GLI2: variants seen among roughly 807,000 people sequenced by gnomAD.
The protein encoded by GLI2 is GLI family zinc finger 2, also known as transcription activator GLI2.
Under a neutral mutation model 78.9 loss-of-function variants are expected in GLI2, and 22 were observed. That is an observed-to-expected ratio of 0.28 (90% CI 0.20 to 0.40). GLI2 has a LOEUF of 0.40. Ranked by LOEUF, GLI2 falls within the 10% of genes least tolerant of loss-of-function variation. The probability of loss-of-function intolerance (pLI) is 1.00; values close to 1 mark genes in which losing one functional copy is unlikely to be tolerated. For synonymous variants in GLI2, 974 were observed against 963.7 expected, an observed-to-expected ratio of 1.01 and a Z score of -0.20; for missense variants, 2,097 against 2,213.2, an observed-to-expected ratio of 0.95 and a Z score of 1.05.
Position 120,937,643 on chromosome 2 carries a change from T to C in GLI2, c.254+10177T>C, listed in dbSNP as rs146393330. Among the ~76,000 whole-genome samples, 368 of 152,314 alleles carry C rather than the reference T, an allele frequency of 2.4e-3. 2 individuals are homozygous for C. Among genetic ancestry groups the C allele is most frequent in the African/African-American group, 8.2e-3 (339 of 41,584 alleles). ...CCTTCTTCAGGTTGCCCTGTTCCAA[T>C]GAGGGGCCTCCACTTCCAGGCAGAC... is the stretch of plus-strand genomic sequence containing the variant. On this transcript the variant is annotated intron_variant, in intron 3 of 13. Coordinates refer to ENST00000361492, the MANE Select transcript of GLI2 (RefSeq NM_001374353.1).
At chr2:120,761,584 G>A (rs1410020491) in intron 1 of GLI2, among the ~76,000 whole-genome samples, 1 of 152,174 alleles carries the variant, frequency 6.6e-6, no homozygotes, top group Non-Finnish European at 1.5e-5. Flanking sequence ...AGAGGGCTAG[G>A]AGGAGTGTGG....
intron 1 of GLI2, among the ~76,000 whole-genome samples, chr2:120,793,894 C>T (rs1011861272): frequency 5.3e-5 from 8 of 152,184 alleles, no homozygotes; most frequent in Non-Finnish European, 7.3e-5. Context: ...TGGGGAGTGG[C>T]CTTGGGCAGC....
At chr2:120,795,110 T>C (rs1684326772) in intron 1 of GLI2, among the ~76,000 whole-genome samples, 1 of 152,214 alleles carries the variant, frequency 6.6e-6, no homozygotes, top group African/African-American at 2.4e-5. Context: ...AGTGTGCACC[T>C]GTAGTCCCAG....
intron 2 of GLI2, among the ~76,000 whole-genome samples, chr2:120,820,617 C>T (rs1179338099): frequency 6.6e-6 from 1 of 152,202 alleles, no homozygotes; most frequent in Non-Finnish European, 1.5e-5. Context: ...CGGCTGCTGT[C>T]CACGCCAGTG....
chr2:120,873,551 AGAG>A (rs765016033), intron 2 of GLI2, among the ~76,000 whole-genome samples: 1 of 152,224 alleles, frequency 6.6e-6, no homozygotes, highest in Non-Finnish European at 1.5e-5. Flanking sequence ...TCTATTCAAG[AGAG>A]AAGAAGAGTG....
chr2:120,896,693 C>CCAAA, intron 2 of GLI2, among the ~76,000 whole-genome samples: 1 of 106,940 alleles, frequency 9.4e-6, no homozygotes, highest in East Asian at 2.9e-4. Context: ...TCACACACAC[C>CCAAA]CATACACACA....
At chr2:120,804,891 T>G (rs1238918377) in intron 2 of GLI2, among the ~76,000 whole-genome samples, 1 of 152,230 alleles carries the variant, frequency 6.6e-6, no homozygotes, top group East Asian at 1.9e-4. Context: ...GGGAAGAGCA[T>G]GGCTTGGGGT....
chr2:120,794,908 C>A (rs1423041561), intron 1 of GLI2, among the ~76,000 whole-genome samples: 4 of 152,142 alleles, frequency 2.6e-5, no homozygotes, highest in Non-Finnish European at 4.4e-5. Flanking sequence ...CTTGGGCTTT[C>A]TGGGCAGGGA....
At position 120,989,447 on chromosome 2, in the gene GLI2, C is replaced by G. The variant is rs2105092684; in HGVS notation, c.3482C>G (p.Pro1161Arg). Residue 1161 changes from proline to arginine, a missense_variant, in exon 14 of 14, where the codon CCT (proline) becomes CGT (arginine). Transcript: ENST00000361492. ...AACCTGGCGGTGGTGCAGCAGAAGC[C>G]TGCCTTTGGCCAGTACCCGGGCTAC... ...QGNLAVVQQK[P>R]AFGQYPGYSP... 1 of 1,613,116 alleles carries G rather than the reference C, an allele frequency of 6.2e-7. No homozygotes were observed. Among genetic ancestry groups the G allele is most frequent in the Non-Finnish European group, 8.5e-7 (1 of 1,180,006 alleles).
chr2:120,834,305 G>T (rs992060365), intron 2 of GLI2, among the ~76,000 whole-genome samples: 3 of 152,196 alleles, frequency 2.0e-5, no homozygotes, highest in African/African-American at 7.2e-5. Context: ...GGCTTCATTG[G>T]TTTTTGTGGA....
chr2:120,815,819 G>T (rs1271770168), intron 2 of GLI2, among the ~76,000 whole-genome samples: 1 of 152,222 alleles, frequency 6.6e-6, no homozygotes, highest in East Asian at 1.9e-4. Flanking sequence ...TGCCTCTGGT[G>T]CTGGGCTGAA....
chr2:120,822,953 G>A (rs1288088246), intron 2 of GLI2, among the ~76,000 whole-genome samples: 1 of 152,184 alleles, frequency 6.6e-6, no homozygotes, highest in Non-Finnish European at 1.5e-5. Flanking sequence ...GGGGAATCTT[G>A]CAGGAGTGGT....
chr2:120,857,369 T>C (rs146999281), intron 2 of GLI2, among the ~76,000 whole-genome samples: 351 of 12,332 alleles, frequency 0.028, 3 homozygotes, highest in Admixed American at 0.15. Flanking sequence ...ATCTGCCCAC[T>C]CACCTACCTA....
chr2:120,779,791 G>A (rs2104668542), intron 1 of GLI2, among the ~76,000 whole-genome samples: 1 of 152,338 alleles, frequency 6.6e-6, no homozygotes, highest in South Asian at 2.1e-4. Flanking sequence ...CCTCAGCCTT[G>A]CTCCTAACCA....
rs550639694 is a variant in GLI2 at position 120,967,200 on chromosome 2, G to A, written c.644-1514G>A. Among the ~76,000 whole-genome samples the A allele has an allele frequency of 4.6e-5, 7 of 152,356 alleles. No individual in the cohort carries two copies. The East Asian group carries it at 1.2e-3, about 25-fold the overall frequency. On this transcript the variant is annotated intron_variant, in intron 5 of 13. Coordinates refer to ENST00000361492, the MANE Select transcript of GLI2 (RefSeq NM_001374353.1). The stretch of plus-strand genomic sequence containing the variant: ...AAAGGATGGGTGGGCAGGGGCCAGC[G>A]GGACATGAGAAGAGGCTGCTCCATG...
In GLI2 at chr2:120,991,824, G is replaced by A. The variant is rs1231909732; in HGVS notation, c.*1149G>A. The A allele has an allele frequency of 6.8e-6, 1 of 146,158 alleles. No homozygotes were observed. Among genetic ancestry groups the A allele is most frequent in the African/African-American group, 2.4e-5 (1 of 40,880 alleles). 9.1% of individuals were successfully genotyped at this position (146,158 alleles called of 1,614,324 possible). ...GTCACTGGGCAGAGAATGATGACATGTGTAGGTGGTGTGGTTGGGGGTGGA... is the reference window on the plus strand; with the variant it reads ...GTCACTGGGCAGAGAATGATGACATATGTAGGTGGTGTGGTTGGGGGTGGA... On this transcript the variant is annotated 3_prime_UTR_variant, in exon 14 of 14. Coordinates refer to ENST00000361492, the MANE Select transcript of GLI2 (RefSeq NM_001374353.1).
At chr2:120,751,962 A>C (rs1010718728) in intron 1 of GLI2, among the ~76,000 whole-genome samples, 1 of 152,218 alleles carries the variant, frequency 6.6e-6, no homozygotes. Flanking sequence ...TTTCTTTCTG[A>C]TGCAAAAGTA....
chr2:120,958,972 G>A (rs558054685), intron 5 of GLI2, among the ~76,000 whole-genome samples: 60 of 152,332 alleles, frequency 3.9e-4, no homozygotes, highest in Non-Finnish European at 7.5e-4. Flanking sequence ...TGAGTGAATG[G>A]CACTTAGAAA....
chr2:120,824,060 G>A (rs1027442952), intron 2 of GLI2, among the ~76,000 whole-genome samples: 4 of 152,270 alleles, frequency 2.6e-5, no homozygotes, highest in East Asian at 1.9e-4. Context: ...TTTCTGATTC[G>A]TCTGCTCTGG....
Sources: allele counts gnomAD v4.1 joint callset (sites outside exome capture counted in the v4.1 genomes callset), GRCh38; gene constraint gnomAD v4.1.1; transcripts MANE v1.5; gene names NCBI Gene and HGNC (gene_info 2026-07-23, HGNC 2026-07-21).